UNC5C: variants seen among roughly 807,000 people sequenced by gnomAD.
The protein encoded by UNC5C is unc-5 netrin receptor C.
A neutral mutation model predicts 99.8 loss-of-function variants in UNC5C; 47 were observed. The ratio of observed to expected loss-of-function variants is 0.47; its 90% CI spans 0.37 to 0.60. UNC5C has a LOEUF of 0.60. Among genes scored for constraint, UNC5C ranks in the 20% least tolerant of loss-of-function variants. The pLI, the probability that UNC5C is intolerant of heterozygous loss-of-function variation, is 0.00. For missense variants in UNC5C, 1,062 were observed against 1,165.9 expected, an observed-to-expected ratio of 0.91 and a Z score of 1.30; for synonymous variants, 487 against 452.2, an observed-to-expected ratio of 1.08 and a Z score of -0.98.
intron 1 of UNC5C, among the ~76,000 whole-genome samples, chr4:95,481,755 G>A (rs1396060203): frequency 5.3e-5 from 8 of 152,082 alleles, no homozygotes; most frequent in Non-Finnish European, 8.8e-5. Flanking sequence ...ACAAGCAATG[G>A]GGAAAGGATT....
chr4:95,177,261 C>G (rs984558545), intron 14 of UNC5C, among the ~76,000 whole-genome samples: 2 of 152,164 alleles, frequency 1.3e-5, no homozygotes, highest in African/African-American at 4.8e-5. Flanking sequence ...CTGTCTCTCT[C>G]TTTTTAAAGC....
intron 1 of UNC5C, among the ~76,000 whole-genome samples, chr4:95,526,371 C>T (rs935142959): frequency 1.3e-5 from 2 of 151,962 alleles, no homozygotes; most frequent in Non-Finnish European, 2.9e-5. Flanking sequence ...TTTCATGCAG[C>T]GCTGTAGATA....
At chr4:95,435,683 T>C (rs1334526343) in intron 1 of UNC5C, among the ~76,000 whole-genome samples, 1 of 152,070 alleles carries the variant, frequency 6.6e-6, no homozygotes, top group Non-Finnish European at 1.5e-5. Context: ...ATTTTCTGTC[T>C]GATTTCAGAT....
intron 13 of UNC5C, among the ~76,000 whole-genome samples, chr4:95,184,153 G>GAGCT (rs1736733210): frequency 6.6e-6 from 1 of 152,214 alleles, no homozygotes; most frequent in Non-Finnish European, 1.5e-5. Context: ...ATCAAGGACT[G>GAGCT]AGCTGTGCAT....
intron 10 of UNC5C, among the ~76,000 whole-genome samples, chr4:95,209,365 A>G (rs72672762): frequency 0.077 from 11,677 of 152,230 alleles, 661 homozygotes; most frequent in African/African-American, 0.17. Context: ...TTGACTATTA[A>G]TTCTAAGAAC....
At chr4:95,407,049 C>T (rs1198645473) in intron 1 of UNC5C, among the ~76,000 whole-genome samples, 1 of 152,052 alleles carries the variant, frequency 6.6e-6, no homozygotes, top group East Asian at 1.9e-4. Context: ...CCTGAAATCC[C>T]CAATTCCAGT....
intron 2 of UNC5C, among the ~76,000 whole-genome samples, chr4:95,311,501 T>C (rs1742274914): frequency 6.6e-6 from 1 of 152,190 alleles, no homozygotes; most frequent in East Asian, 1.9e-4. Context: ...TACATGCATG[T>C]CTTTGCTTCC....
chr4:95,449,619 T>C (rs1044992584), intron 1 of UNC5C, among the ~76,000 whole-genome samples: 1 of 152,166 alleles, frequency 6.6e-6, no homozygotes, highest in Non-Finnish European at 1.5e-5. Flanking sequence ...AAGAAAGTGG[T>C]GGCAGTTCTT....
At chr4:95,281,481 G>A (rs889886772) in intron 3 of UNC5C, among the ~76,000 whole-genome samples, 1 of 152,138 alleles carries the variant, frequency 6.6e-6, no homozygotes, top group East Asian at 1.9e-4. Context: ...AGGCGGTGGT[G>A]AGGAGCCTGA....
chr4:95,548,075 G>A (rs551947758), intron 1 of UNC5C, among the ~76,000 whole-genome samples: 1 of 152,330 alleles, frequency 6.6e-6, no homozygotes, highest in African/African-American at 2.4e-5. Context: ...AAGCAGGCAT[G>A]AAGCGGGGTA....
intron 1 of UNC5C, among the ~76,000 whole-genome samples, chr4:95,437,016 A>G (rs1178874354): frequency 1.3e-5 from 2 of 148,930 alleles, no homozygotes; most frequent in Non-Finnish European, 3.0e-5. Context: ...AAAAAAACAG[A>G]GACATATAAA....
intron 7 of UNC5C, among the ~76,000 whole-genome samples, chr4:95,221,654 T>C (rs1738471498): frequency 6.6e-6 from 1 of 152,236 alleles, no homozygotes; most frequent in South Asian, 2.1e-4. Flanking sequence ...ATATTCACTT[T>C]CCCATCAATC....
intron 1 of UNC5C, among the ~76,000 whole-genome samples, chr4:95,483,409 T>C (rs979705655): frequency 6.6e-6 from 1 of 151,984 alleles, no homozygotes; most frequent in Middle Eastern, 3.4e-3. Flanking sequence ...ACATATATAA[T>C]AACGTGTATA....
intron 1 of UNC5C, among the ~76,000 whole-genome samples, chr4:95,529,459 G>C: frequency 6.6e-6 from 1 of 151,376 alleles, no homozygotes; most frequent in East Asian, 1.9e-4. Context: ...AGGTGCAGTG[G>C]CTCATGCTTG....
chr4:95,370,377 TAGAG>T (rs1377094476), intron 1 of UNC5C, among the ~76,000 whole-genome samples: 1 of 152,198 alleles, frequency 6.6e-6, no homozygotes, highest in Non-Finnish European at 1.5e-5. Context: ...TAGCATCATC[TAGAG>T]AGAAAGTTTA....
intron 10 of UNC5C, among the ~76,000 whole-genome samples, chr4:95,212,313 A>T (rs1249550470): frequency 1.4e-5 from 2 of 139,306 alleles, no homozygotes; most frequent in East Asian, 3.9e-4. Context: ...CTTTCTTTAC[A>T]TTTTTACTTT....
intron 3 of UNC5C, among the ~76,000 whole-genome samples, chr4:95,278,926 T>A (rs1335656503): frequency 3.3e-5 from 5 of 152,220 alleles, no homozygotes; most frequent in Non-Finnish European, 2.9e-5. Context: ...ATTTTAACAA[T>A]TAATAAAGTT....
chr4:95,226,814 AGG>A (rs1333743973), intron 7 of UNC5C, among the ~76,000 whole-genome samples: 1 of 152,082 alleles, frequency 6.6e-6, no homozygotes, highest in African/African-American at 2.4e-5. Context: ...GAAATGGGGT[AGG>A]GATGGTGTTT....
At chr4:95,451,858 T>A (rs959417759) in intron 1 of UNC5C, among the ~76,000 whole-genome samples, 1 of 152,222 alleles carries the variant, frequency 6.6e-6, no homozygotes, top group Admixed American at 6.5e-5. Context: ...GTTTTCTATC[T>A]TATACTATAT....
Sources: allele counts gnomAD v4.1 joint callset (sites outside exome capture counted in the v4.1 genomes callset), GRCh38; gene constraint gnomAD v4.1.1; transcripts MANE v1.5; gene names NCBI Gene and HGNC (gene_info 2026-07-23, HGNC 2026-07-21).